Variants in TMEM117 observed in about 807,000 individuals in gnomAD.
The protein encoded by TMEM117 is transmembrane protein 117.
Under a neutral mutation model 52.4 loss-of-function variants are expected in TMEM117, and 27 were observed. That is an observed-to-expected ratio of 0.51 (90% CI 0.38 to 0.71). The LOEUF (loss-of-function observed/expected upper bound fraction) is 0.71. Ranked by LOEUF, TMEM117 falls within the 30% of genes least tolerant of loss-of-function variation. The pLI is 0.00. For synonymous variants in TMEM117, 215 were observed against 206.3 expected, an observed-to-expected ratio of 1.04 and a Z score of -0.36; for missense variants, 556 against 630.5, an observed-to-expected ratio of 0.88 and a Z score of 1.26.
Position 44,336,079 on chromosome 12 carries a change from T to G in TMEM117, c.768+36340T>G, listed in dbSNP as rs17094468. 5.4e-3 allele frequency among the ~76,000 whole-genome samples: 829 copies of G among 152,186 alleles called. 10 individuals carry two copies. The highest frequency in any genetic ancestry group is 0.019 in the African/African-American group (797 of 41,548). On this transcript the variant is annotated intron_variant, in intron 6 of 7. Coordinates refer to ENST00000266534, the MANE Select transcript of TMEM117 (RefSeq NM_032256.3). Reference sequence around the variant, plus strand: ...TGAGTGCAGCTATTTGATTCATACTTTGCGCCACATAAAAATACATTTCAT... The same window carrying G: ...TGAGTGCAGCTATTTGATTCATACTGTGCGCCACATAAAAATACATTTCAT...
intron 3 of TMEM117, among the ~76,000 whole-genome samples, chr12:43,991,033 G>A (rs1945930037): frequency 6.6e-6 from 1 of 152,148 alleles, no homozygotes; most frequent in South Asian, 2.1e-4. Flanking sequence ...TCAGTGTCCT[G>A]TCACACAAAG....
At chr12:44,221,293 G>A (rs1256499254) in intron 5 of TMEM117, among the ~76,000 whole-genome samples, 1 of 152,022 alleles carries the variant, frequency 6.6e-6, no homozygotes, top group Non-Finnish European at 1.5e-5. Flanking sequence ...CATCTAAGGG[G>A]GCTTCTCCCA....
At chr12:43,903,686 CAA>C (rs1944339716) in intron 2 of TMEM117, among the ~76,000 whole-genome samples, 1 of 152,132 alleles carries the variant, frequency 6.6e-6, no homozygotes, top group Non-Finnish European at 1.5e-5. Flanking sequence ...CTGCACTTTA[CAA>C]GAGAGTTTCT....
chr12:44,309,238 G>A (rs1592682182), intron 6 of TMEM117, among the ~76,000 whole-genome samples: 1 of 152,158 alleles, frequency 6.6e-6, no homozygotes, highest in East Asian at 1.9e-4. Flanking sequence ...AGCCCAGGGA[G>A]GTTCTTTAAT....
chr12:43,983,720 C>T (rs1414582117), intron 3 of TMEM117, among the ~76,000 whole-genome samples: 1 of 151,428 alleles, frequency 6.6e-6, no homozygotes, highest in Non-Finnish European at 1.5e-5. Context: ...ATGCCAAGAA[C>T]TTTACATATG....
chr12:44,223,304 A>C (rs2138430693), intron 5 of TMEM117, among the ~76,000 whole-genome samples: 1 of 151,576 alleles, frequency 6.6e-6, no homozygotes, highest in South Asian at 2.1e-4. Context: ...TTCTTGGGCC[A>C]TTCCATATGA....
At chr12:44,376,772 AG>A in intron 7 of TMEM117, 48 bp downstream of exon 7, 1 of 1,538,634 alleles carries the variant, frequency 6.5e-7, no homozygotes, top group South Asian at 1.3e-5. Context: ...TACATTAGTT[AG>A]GGTAATGCTA....
chr12:44,392,528 T>A (rs1303980887), downstream of TMEM117, among the ~76,000 whole-genome samples: 1 of 152,070 alleles, frequency 6.6e-6, no homozygotes, highest in Admixed American at 6.6e-5. Flanking sequence ...TGGCTTTTTT[T>A]TATTATTATT....
intron 3 of TMEM117, among the ~76,000 whole-genome samples, chr12:44,079,483 A>G (rs1297326767): frequency 6.6e-6 from 1 of 151,930 alleles, no homozygotes; most frequent in Non-Finnish European, 1.5e-5. Flanking sequence ...GCTTTTTTTC[A>G]TATGTTTGTT....
At chr12:44,326,527 T>C (rs1951198211) in intron 6 of TMEM117, among the ~76,000 whole-genome samples, 2 of 152,160 alleles carry the variant, frequency 1.3e-5, no homozygotes, top group Admixed American at 1.3e-4. Context: ...ACATGCTCTC[T>C]ACCCTCATGT....
intron 3 of TMEM117, among the ~76,000 whole-genome samples, chr12:44,078,616 G>A (rs555116838): frequency 6.6e-6 from 1 of 152,112 alleles, no homozygotes; most frequent in South Asian, 2.1e-4. Context: ...TTTTTTTCCT[G>A]AGGATACTCA....
intron 6 of TMEM117, among the ~76,000 whole-genome samples, chr12:44,332,854 T>G (rs1951291151): frequency 6.6e-6 from 1 of 151,928 alleles, no homozygotes; most frequent in Admixed American, 6.6e-5. Flanking sequence ...TAATTCTCTG[T>G]GTGTGTGTAC....
At chr12:44,007,845 C>T (rs558946200) in intron 3 of TMEM117, among the ~76,000 whole-genome samples, 1 of 152,142 alleles carries the variant, frequency 6.6e-6, no homozygotes, top group Non-Finnish European at 1.5e-5. Flanking sequence ...CCATGTAAGT[C>T]ATGACTTGCT....
intron 3 of TMEM117, among the ~76,000 whole-genome samples, chr12:44,055,917 C>A (rs1947047275): frequency 6.6e-6 from 1 of 151,996 alleles, no homozygotes; most frequent in South Asian, 2.1e-4. Flanking sequence ...TAAACTGTTA[C>A]ACTTTCAGCT....
chr12:44,320,403 CA>C (rs1444248554), intron 6 of TMEM117, among the ~76,000 whole-genome samples: 1 of 152,090 alleles, frequency 6.6e-6, no homozygotes, highest in African/African-American at 2.4e-5. Context: ...TTTTTAACAC[CA>C]AAATCTTATC....
At position 44,376,628 on chromosome 12, in the gene TMEM117, G is replaced by C. The variant is rs1015075972; in HGVS notation, c.802G>C (p.Asp268His). The C allele has an allele frequency of 1.2e-6, 2 of 1,608,912 alleles. No homozygotes were observed. Among genetic ancestry groups the C allele is most frequent in the Non-Finnish European group, 1.7e-6 (2 of 1,178,280 alleles). The part of the protein sequence containing the change: ...WEFPHFMGDV[D>H]VNLPGLHTPH... Reference sequence around the variant, plus strand: ...ATTCCCACATTTCATGGGAGATGTTGATGTAAATCTCCCTGGTTTGCACAC... The same window carrying C: ...ATTCCCACATTTCATGGGAGATGTTCATGTAAATCTCCCTGGTTTGCACAC... The change falls in exon 7 of 8, where the codon GAT (aspartate) becomes CAT (histidine). Residue 268 changes from aspartate (D) to histidine (H), a missense_variant. By Grantham distance (81) the Asp-to-His change is moderately conservative. Transcript: ENST00000266534.
At chr12:44,357,748 G>A (rs557798825) in intron 6 of TMEM117, among the ~76,000 whole-genome samples, 20 of 152,242 alleles carry the variant, frequency 1.3e-4, no homozygotes, top group Admixed American at 5.2e-4. Flanking sequence ...AGCCCCTGTG[G>A]AAAGTAGTTT....
intron 4 of TMEM117, among the ~76,000 whole-genome samples, chr12:44,196,502 G>A (rs1386373656): frequency 6.6e-6 from 1 of 152,142 alleles, no homozygotes; most frequent in African/African-American, 2.4e-5. Flanking sequence ...TCTTGGATAT[G>A]TAATTACATC....
chr12:44,062,585 A>G (rs1489495271), intron 3 of TMEM117, among the ~76,000 whole-genome samples: 1 of 152,032 alleles, frequency 6.6e-6, no homozygotes, highest in East Asian at 1.9e-4. Context: ...GCATTTCTCT[A>G]CCCTTTGTTC....
Sources: allele counts gnomAD v4.1 joint callset (sites outside exome capture counted in the v4.1 genomes callset), GRCh38; gene constraint gnomAD v4.1.1; transcripts MANE v1.5; gene names NCBI Gene and HGNC (gene_info 2026-07-23, HGNC 2026-07-21).